The following NRXN1 variants were observed in gnomAD, a reference collection of about 807,000 sequenced individuals.
NRXN1 encodes neurexin-1.
NRXN1 carries 39 observed loss-of-function variants against 150.9 expected under a neutral mutation model. That is an observed-to-expected ratio of 0.26 (90% CI 0.20 to 0.34). The LOEUF (loss-of-function observed/expected upper bound fraction) is 0.34, where lower values mean the gene tolerates loss of function less well. NRXN1 is among the 10% of genes least tolerant of loss of function. The pLI, the probability that NRXN1 is intolerant of heterozygous loss-of-function variation, is 1.00. For missense variants in NRXN1, 1,815 were observed against 1,949.9 expected, an observed-to-expected ratio of 0.93 and a Z score of 1.30; for synonymous variants, 924 against 757.0, an observed-to-expected ratio of 1.22 and a Z score of -3.62.
intron 2 of NRXN1, among the ~76,000 whole-genome samples, chr2:50,994,998 A>G (rs940104379): frequency 2.0e-5 from 3 of 152,072 alleles, no homozygotes; most frequent in Admixed American, 6.6e-5. Context: ...TTCTCAGTTT[A>G]AGAGAAATAT....
At chr2:51,008,223 C>G (rs760743153) in intron 2 of NRXN1, among the ~76,000 whole-genome samples, 1 of 151,736 alleles carries the variant, frequency 6.6e-6, no homozygotes, top group Non-Finnish European at 1.5e-5. Flanking sequence ...CCAAATCAAA[C>G]AAAGAAGAGA....
chr2:50,911,616 A>G (rs1684533025), intron 5 of NRXN1, among the ~76,000 whole-genome samples: 1 of 151,924 alleles, frequency 6.6e-6, no homozygotes, highest in African/African-American at 2.4e-5. Context: ...TTTCCATTGC[A>G]TCAAGATATA....
chr2:50,921,863 TA>T lies in NRXN1; in HGVS notation c.832+5del. Reference sequence around the variant, plus strand: ...GATATTAAGAAGAAATAAAATAATGTAATACCTTTACTTTTACCTATGGATT... The same window carrying T: ...GATATTAAGAAGAAATAAAATAATGTATACCTTTACTTTTACCTATGGATT... On this transcript the variant is annotated splice_donor_5th_base_variant and intron_variant, in intron 5 of 22. Transcript: ENST00000401669. 7.4e-7 allele frequency: 1 copy of T among 1,355,406 alleles called. No homozygotes were observed. The highest frequency in any genetic ancestry group is 9.9e-7 in the Non-Finnish European group (1 of 1,006,708). 84.0% of individuals were successfully genotyped at this position (1,355,406 alleles called of 1,614,324 possible). A position where few individuals can be genotyped will look rare whatever the true frequency, so the allele number is the denominator to read the frequency against.
In NRXN1 at chr2:50,474,800, G is replaced by T. The variant is rs150253912; in HGVS notation, c.3071-2329C>A. Among the ~76,000 whole-genome samples, 317 of 143,262 alleles carry T rather than the reference G, an allele frequency of 2.2e-3. 1 individual carries two copies. Among genetic ancestry groups the T allele is most frequent in the Admixed American group, 4.1e-3 (57 of 13,906 alleles). 94.0% of individuals were successfully genotyped at this position (143,262 alleles called of 152,430 possible). On this transcript the variant is annotated intron_variant, in intron 15 of 22. Transcript: ENST00000401669. ...TGTGACTCTAGAATATTTGAAACAA[G>T]CTTCCATGCCACCTCTCTTTACCCG... is the stretch of plus-strand genomic sequence containing the variant.
chr2:50,430,809 A>G (rs2084906823), intron 17 of NRXN1, among the ~76,000 whole-genome samples: 1 of 152,150 alleles, frequency 6.6e-6, no homozygotes, highest in Admixed American at 6.5e-5. Flanking sequence ...AATCCTTACT[A>G]CCATTTGGAC....
At chr2:50,039,656 T>C (rs756873518) in intron 21 of NRXN1, among the ~76,000 whole-genome samples, 5 of 152,108 alleles carry the variant, frequency 3.3e-5, no homozygotes. Flanking sequence ...GAACAGAAGA[T>C]ACACATCGAG....
chr2:50,041,319 T>C (rs901551827), intron 21 of NRXN1, among the ~76,000 whole-genome samples: 1 of 152,236 alleles, frequency 6.6e-6, no homozygotes, highest in Non-Finnish European at 1.5e-5. Flanking sequence ...AGTTTTTACA[T>C]GCTTAAACTC....
chr2:50,460,354 C>G (rs1336420322), intron 17 of NRXN1, among the ~76,000 whole-genome samples: 1 of 152,060 alleles, frequency 6.6e-6, no homozygotes, highest in Non-Finnish European at 1.5e-5. Flanking sequence ...GCCAAGGTGG[C>G]AGAATTCACA....
chr2:50,455,374 G>C (rs1001118061), intron 17 of NRXN1, among the ~76,000 whole-genome samples: 1 of 152,122 alleles, frequency 6.6e-6, no homozygotes, highest in Non-Finnish European at 1.5e-5. Flanking sequence ...CAAAAGAGAG[G>C]TTGCATTTAG....
intron 17 of NRXN1, among the ~76,000 whole-genome samples, chr2:50,376,938 CTTTCTTTCT>C (rs2080547442): frequency 6.8e-6 from 1 of 147,436 alleles, no homozygotes; most frequent in African/African-American, 2.5e-5. Context: ...AATTCTTTTT[CTTTCTTTCT>C]TTTTCTTTTC....
chr2:50,519,536 A>G (rs544046850), intron 12 of NRXN1, among the ~76,000 whole-genome samples: 1 of 152,158 alleles, frequency 6.6e-6, no homozygotes, highest in Non-Finnish European at 1.5e-5. Context: ...AACTTGGTTT[A>G]TCTGAAGAGA....
intron 2 of NRXN1, among the ~76,000 whole-genome samples, chr2:51,009,773 A>G (rs554568196): frequency 6.6e-6 from 1 of 152,078 alleles, no homozygotes; most frequent in South Asian, 2.1e-4. Context: ...ACAGAGATGG[A>G]TAACAACCGG....
intron 21 of NRXN1, among the ~76,000 whole-genome samples, chr2:49,952,516 CTTTA>C (rs1416867639): frequency 1.3e-5 from 2 of 150,848 alleles, no homozygotes; most frequent in Non-Finnish European, 2.9e-5. Context: ...CCAGAGAGTT[CTTTA>C]TTTACTTGTG....
At chr2:50,246,030 C>G (rs2152892143) in intron 17 of NRXN1, among the ~76,000 whole-genome samples, 1 of 151,928 alleles carries the variant, frequency 6.6e-6, no homozygotes, top group South Asian at 2.1e-4. Context: ...TAGAGTTTTT[C>G]TAATGATGCT....
intron 17 of NRXN1, among the ~76,000 whole-genome samples, chr2:50,393,521 G>C (rs2081872672): frequency 6.6e-6 from 1 of 152,062 alleles, no homozygotes. Flanking sequence ...AAAACAGAAA[G>C]AACTTAAGAA....
intron 21 of NRXN1, among the ~76,000 whole-genome samples, chr2:49,968,068 G>T (rs1040174884): frequency 2.0e-5 from 3 of 150,664 alleles, no homozygotes; most frequent in Non-Finnish European, 4.4e-5. Context: ...ATTCAAAATT[G>T]TTTCACCTAA....
chr2:50,496,381 C>T lies in NRXN1; in HGVS notation c.2880-286G>A, dbSNP rs142255019. 1.4e-4 allele frequency among the ~76,000 whole-genome samples: 21 copies of T among 152,254 alleles called. No individual in the cohort carries two copies. The East Asian group carries it at 2.3e-3, about 17-fold the overall frequency. ...TTGGAAAGCAATATCTTTCACCACG[C>T]GCTCCCTGTTTCCACAATTCCCTCC... On this transcript the variant is annotated intron_variant, in intron 14 of 22. Coordinates refer to ENST00000401669, the MANE Select transcript of NRXN1 (RefSeq NM_001330078.2).
intron 17 of NRXN1, among the ~76,000 whole-genome samples, chr2:50,434,071 T>TTTTTG (rs2085215429): frequency 7.4e-6 from 1 of 135,294 alleles, no homozygotes. Flanking sequence ...TTTTTTTTTT[T>TTTTTG]TTTGAGACGG....
chr2:50,661,007 G>C (rs1489335534), intron 5 of NRXN1, among the ~76,000 whole-genome samples: 2 of 151,952 alleles, frequency 1.3e-5, no homozygotes, highest in Non-Finnish European at 2.9e-5. Flanking sequence ...GTAAGGGAAA[G>C]GACATATCTT....
Sources: allele counts gnomAD v4.1 joint callset (sites outside exome capture counted in the v4.1 genomes callset), GRCh38; gene constraint gnomAD v4.1.1; transcripts MANE v1.5; gene names NCBI Gene and HGNC (gene_info 2026-07-23, HGNC 2026-07-21).